The following CLVS1 variants were observed in gnomAD, a reference collection of about 807,000 sequenced individuals.
The protein encoded by CLVS1 is clavesin 1.
Under a neutral mutation model 33.1 loss-of-function variants are expected in CLVS1, and 10 were observed. The observed-to-expected ratio is 0.30, with a 90% confidence interval of 0.19 to 0.51. The LOEUF is 0.51. CLVS1 is among the 20% of genes least tolerant of loss of function. The pLI is 0.97. For missense variants in CLVS1, 343 were observed against 433.4 expected (o/e 0.79, Z 1.85); for synonymous variants, 163 against 166.1 (o/e 0.98, Z 0.14).
intron 3 of CLVS1, among the ~76,000 whole-genome samples, chr8:61,388,622 C>T (rs1437298926): frequency 6.6e-6 from 1 of 151,440 alleles, no homozygotes; most frequent in African/African-American, 2.4e-5. Flanking sequence ...TTTGTTATAT[C>T]TTTTTTATTA....
chr8:61,068,604 T>C (rs1804730182), intron 1 of CLVS1, among the ~76,000 whole-genome samples: 1 of 152,062 alleles, frequency 6.6e-6, no homozygotes, highest in Non-Finnish European at 1.5e-5. Flanking sequence ...GATACCCTCA[T>C]CTCATGAGTC....
In CLVS1 at chr8:61,309,548, C is replaced by T. The variant is rs186566569; in HGVS notation, c.455+9266C>T. Among the ~76,000 whole-genome samples, 6 of 148,202 alleles carry T rather than the reference C, an allele frequency of 4.0e-5. No individual in the cohort carries two copies. In the East Asian group the frequency reaches 1.8e-3, roughly 44 times the overall value. On this transcript the variant is annotated intron_variant, in intron 2 of 5. Transcript: ENST00000325897. ...ATGAAGACACTGTCATATTTACTTT[C>T]TCATGTAGAAAAACACCCCAAATCT... is the stretch of plus-strand genomic sequence containing the variant.
intron 2 of CLVS1, among the ~76,000 whole-genome samples, chr8:61,361,753 T>C (rs1812990312): frequency 1.3e-5 from 2 of 152,164 alleles, no homozygotes; most frequent in African/African-American, 4.8e-5. Context: ...AGATCACTCA[T>C]GTTTGGAATA....
At position 61,204,435 on chromosome 8, in the gene CLVS1, C is replaced by A. The variant is rs115584935; in HGVS notation, c.-152+72575C>A. On this transcript the variant is annotated intron_variant, in intron 2 of 2. Coordinates refer to the CLVS1 transcript ENST00000522621. ...GTTTTCTGCTAGATAAATATCCAAG[C>A]AGAATTTTCAGGGGCTATAAATGCA... Among the ~76,000 whole-genome samples, 1,118 of 152,220 alleles carry A rather than the reference C, an allele frequency of 7.3e-3. 17 individuals are homozygous for A. Among genetic ancestry groups the A allele is most frequent in the African/African-American group, 0.025 (1,050 of 41,518 alleles).
intron 3 of CLVS1, among the ~76,000 whole-genome samples, chr8:61,403,075 T>C (rs1814832560): frequency 6.6e-6 from 1 of 152,196 alleles, no homozygotes; most frequent in Non-Finnish European, 1.5e-5. Flanking sequence ...AGTAGGGTCA[T>C]TGTGGTTGGC....
chr8:61,164,791 T>C (rs879767855), intron 2 of CLVS1, among the ~76,000 whole-genome samples: 3 of 152,224 alleles, frequency 2.0e-5, no homozygotes, highest in Non-Finnish European at 4.4e-5. Flanking sequence ...TCCTTCTTTC[T>C]TGCCTACTAA....
chr8:61,325,371 A>G (rs1439393993), intron 2 of CLVS1, among the ~76,000 whole-genome samples: 1 of 152,144 alleles, frequency 6.6e-6, no homozygotes, highest in African/African-American at 2.4e-5. Context: ...AAGAGAAATA[A>G]CCTATGTTTG....
At chr8:61,392,693 T>C (rs1814353787) in intron 3 of CLVS1, among the ~76,000 whole-genome samples, 3 of 151,510 alleles carry the variant, frequency 2.0e-5, no homozygotes, top group Admixed American at 1.3e-4. Context: ...CACCATCTCC[T>C]CTAAAAATAC....
intron 2 of CLVS1, among the ~76,000 whole-genome samples, chr8:61,217,653 T>C (rs1344241442): frequency 6.6e-6 from 1 of 152,114 alleles, no homozygotes; most frequent in Non-Finnish European, 1.5e-5. Flanking sequence ...GTAGTCAAAG[T>C]AGTTGATTAT....
chr8:61,444,043 A>T (rs976950496), intron 3 of CLVS1, among the ~76,000 whole-genome samples: 1 of 152,136 alleles, frequency 6.6e-6, no homozygotes, highest in Non-Finnish European at 1.5e-5. Flanking sequence ...TATTGTTGGT[A>T]TAGAGAAATA....
At chr8:61,146,321 C>A (rs1158923079) in intron 2 of CLVS1, among the ~76,000 whole-genome samples, 2 of 152,144 alleles carry the variant, frequency 1.3e-5, no homozygotes, top group East Asian at 1.9e-4. Context: ...AAGTTTAACC[C>A]CTATTTAGTA....
chr8:60,973,504 T>G, the CLVS1 span, among the ~76,000 whole-genome samples: 1 of 152,170 alleles, frequency 6.6e-6, no homozygotes, highest in Non-Finnish European at 1.5e-5. Context: ...AGAATTCAAC[T>G]GAGGGGCATA....
chr8:60,975,051 T>G, the CLVS1 span, among the ~76,000 whole-genome samples: 1 of 152,082 alleles, frequency 6.6e-6, no homozygotes, highest in Non-Finnish European at 1.5e-5. Flanking sequence ...CTGAGAACCA[T>G]GGATCATAGG....
At chr8:61,113,079 T>C (rs1242291135) in intron 1 of CLVS1, among the ~76,000 whole-genome samples, 1 of 152,104 alleles carries the variant, frequency 6.6e-6, no homozygotes, top group Non-Finnish European at 1.5e-5. Flanking sequence ...ACTGTGGTTA[T>C]CTACAGAGGC....
At chr8:61,002,045 C>G in the CLVS1 span, among the ~76,000 whole-genome samples, 1 of 152,080 alleles carries the variant, frequency 6.6e-6, no homozygotes, top group African/African-American at 2.4e-5. Context: ...GTGGTGCAAT[C>G]TTGGTTCACT....
chr8:61,363,484 G>A (rs1813066303), intron 2 of CLVS1, among the ~76,000 whole-genome samples: 2 of 152,088 alleles, frequency 1.3e-5, no homozygotes, highest in Admixed American at 1.3e-4. Context: ...GTGATAATTC[G>A]GGATGTAATT....
intron 2 of CLVS1, among the ~76,000 whole-genome samples, chr8:61,176,619 A>T (rs1807116967): frequency 6.6e-6 from 1 of 152,052 alleles, no homozygotes. Context: ...CGAATCCTGC[A>T]CTGGCAACCA....
At chr8:61,290,434 G>A (rs1283511302) in intron 1 of CLVS1, among the ~76,000 whole-genome samples, 7 of 152,200 alleles carry the variant, frequency 4.6e-5, no homozygotes, top group Non-Finnish European at 1.0e-4. Flanking sequence ...AAGAGAAAAT[G>A]TTTTCCAGCC....
rs138222020 is a variant in CLVS1 at position 61,260,018 on chromosome 8, C to A, written c.-151-39659C>A. On this transcript the variant is annotated intron_variant, in intron 2 of 2. Transcript: ENST00000522621. ...CTCCCTTCACACGTGTTGCCTCTGC[C>A]TAGAATGCATAACCCCCATATCTGA... 5.3e-5 allele frequency among the ~76,000 whole-genome samples: 8 copies of A among 152,264 alleles called. No homozygotes were observed. In the East Asian group the frequency reaches 1.5e-3, roughly 29 times the overall value.
Sources: gnomAD v4.1 joint callset for allele counts (sites outside exome capture counted in the v4.1 genomes callset) on GRCh38, gnomAD v4.1.1 for gene constraint, MANE v1.5 for transcripts, NCBI Gene and HGNC (gene_info 2026-07-23, HGNC 2026-07-21) for gene names.